MICU3: variants seen among roughly 807,000 people sequenced by gnomAD.
MICU3 encodes the protein mitochondrial calcium uptake 3.
MICU3 carries 62 observed loss-of-function variants against 66.5 expected under a neutral mutation model. The observed-to-expected ratio is 0.93, with a 90% CI of 0.76 to 1.15. The LOEUF is 1.15. Ranked by LOEUF, MICU3 falls within the 50% of genes most tolerant of loss-of-function variation. The probability of loss-of-function intolerance (pLI) is 0.00; values close to 1 mark genes in which losing one functional copy is unlikely to be tolerated. For synonymous variants in MICU3, 308 were observed against 240.7 expected, an observed-to-expected ratio of 1.28 and a Z score of -2.59; for missense variants, 779 against 664.4, an observed-to-expected ratio of 1.17 and a Z score of -1.90.
chr8:17,041,234 A>G (rs537706950), intron 1 of MICU3, among the ~76,000 whole-genome samples: 16 of 152,146 alleles, frequency 1.1e-4, no homozygotes, highest in South Asian at 4.1e-4. Context: ...AGAGAAAAGA[A>G]AGTCTGCAAA....
At chr8:17,046,004 C>T (rs1815007216) in intron 1 of MICU3, among the ~76,000 whole-genome samples, 1 of 152,200 alleles carries the variant, frequency 6.6e-6, no homozygotes, top group South Asian at 2.1e-4. Context: ...ACAGCCAACC[C>T]ATAGCATCTC....
the MICU3 span, among the ~76,000 whole-genome samples, chr8:17,133,356 A>G: frequency 3.3e-5 from 5 of 152,106 alleles, no homozygotes. Flanking sequence ...TTTGTTATTT[A>G]TGGGTTATCT....
intron 1 of MICU3, among the ~76,000 whole-genome samples, chr8:17,053,050 A>C (rs1192970481): frequency 6.6e-6 from 1 of 152,152 alleles, no homozygotes; most frequent in Non-Finnish European, 1.5e-5. Context: ...TCACTCTTTA[A>C]AATTTTGAAT....
intron 13 of MICU3, among the ~76,000 whole-genome samples, chr8:17,117,752 G>A (rs1802821584): frequency 6.6e-6 from 1 of 152,040 alleles, no homozygotes; most frequent in Non-Finnish European, 1.5e-5. Flanking sequence ...GGGATTACAG[G>A]TGTGCACAAC....
the MICU3 span, among the ~76,000 whole-genome samples, chr8:17,130,882 A>G: frequency 2.0e-5 from 3 of 152,370 alleles, no homozygotes; most frequent in Non-Finnish European, 4.4e-5. Flanking sequence ...TTCCAACTAA[A>G]ACTCAGATGT....
chr8:17,056,567 A>G (rs1816962947), intron 1 of MICU3, among the ~76,000 whole-genome samples: 2 of 152,222 alleles, frequency 1.3e-5, no homozygotes, highest in Non-Finnish European at 2.9e-5. Flanking sequence ...AAATACGTAA[A>G]CAGATAATTG....
the MICU3 span, among the ~76,000 whole-genome samples, chr8:17,138,005 A>G: frequency 1.7e-3 from 255 of 152,096 alleles, no homozygotes; most frequent in African/African-American, 6.0e-3. Flanking sequence ...ATGAACCACC[A>G]TGCCCAGCCA....
chr8:17,097,719 TTTAA>T (rs1400591189), intron 8 of MICU3, among the ~76,000 whole-genome samples: 11 of 151,494 alleles, frequency 7.3e-5, no homozygotes, highest in African/African-American at 2.7e-4. Flanking sequence ...AGAAACTGGG[TTTAA>T]TTATTTTTGT....
the MICU3 span, among the ~76,000 whole-genome samples, chr8:17,128,658 A>G: frequency 6.6e-6 from 1 of 152,178 alleles, no homozygotes; most frequent in Non-Finnish European, 1.5e-5. Flanking sequence ...CAGGGCCTTG[A>G]TCCTTGAAAG....
At chr8:17,131,084 G>A in the MICU3 span, 2 of 152,166 alleles carry the variant, frequency 1.3e-5, no homozygotes, top group Non-Finnish European at 2.9e-5. Flanking sequence ...GTAGTAGTTG[G>A]GGTCCAGTTA....
At chr8:17,107,599 G>T (rs1344914099) in intron 11 of MICU3, among the ~76,000 whole-genome samples, 1 of 152,094 alleles carries the variant, frequency 6.6e-6, no homozygotes, top group Admixed American at 6.6e-5. Context: ...ACCTATTTTT[G>T]TAAGTAAAAT....
downstream of MICU3, among the ~76,000 whole-genome samples, chr8:17,127,413 A>T (rs1803433158): frequency 6.6e-6 from 1 of 152,226 alleles, no homozygotes. Flanking sequence ...GGAGAAAGTG[A>T]TGTCAAGACG....
At chr8:17,096,379 G>T (rs891094684) in intron 8 of MICU3, among the ~76,000 whole-genome samples, 38 of 151,654 alleles carry the variant, frequency 2.5e-4, no homozygotes, top group African/African-American at 2.4e-5. Flanking sequence ...TTATATTTTC[G>T]TGGTGATAAA....
Position 17,095,451 on chromosome 8 carries a change from G to A in MICU3, c.889-3007G>A, listed in dbSNP as rs530364858. Among the ~76,000 whole-genome samples the A allele has an allele frequency of 4.6e-5, 7 of 151,922 alleles. No homozygotes were observed. In the East Asian group the frequency reaches 9.7e-4, roughly 21 times the overall value. On this transcript the variant is annotated intron_variant, in intron 8 of 14. Transcript: ENST00000318063. Reference sequence around the variant, plus strand: ...AGGGCCATGGTTGTCATAGTGACACGAATTATAAAGATATAGTTTTAATAT... The same window carrying A: ...AGGGCCATGGTTGTCATAGTGACACAAATTATAAAGATATAGTTTTAATAT...
chr8:17,082,301 CAG>C (rs1422309367), intron 5 of MICU3, among the ~76,000 whole-genome samples: 1 of 152,124 alleles, frequency 6.6e-6, no homozygotes, highest in Non-Finnish European at 1.5e-5. Context: ...ATTGCCGCCT[CAG>C]GGATTTGTAC....
At chr8:17,049,020 G>A (rs762142336) in intron 1 of MICU3, among the ~76,000 whole-genome samples, 4 of 151,844 alleles carry the variant, frequency 2.6e-5, no homozygotes, top group East Asian at 1.9e-4. Context: ...TCTGTATTTC[G>A]GGGATGGATA....
At chr8:17,105,732 T>C in intron 11 of MICU3, 148 bp downstream of exon 11, 1 of 434,250 alleles carries the variant, frequency 2.3e-6, no homozygotes, top group Non-Finnish European at 4.1e-6. Context: ...ATGCTCTGGC[T>C]ACACTTTTAA....
Position 17,119,955 on chromosome 8 carries a change from A to G in MICU3, c.*1-333A>G, listed in dbSNP as rs185804219. Among the ~76,000 whole-genome samples the G allele has an allele frequency of 4.6e-5, 7 of 152,272 alleles. No individual in the cohort carries two copies. In the East Asian group the frequency reaches 1.3e-3, roughly 29 times the overall value. ...AACTGCCTTATAAATTCTTAAACTA[A>G]ACATTGAAAAAAAAGGAGGACCATT... is the stretch of plus-strand genomic sequence containing the variant. On this transcript the variant is annotated intron_variant, in intron 14 of 14. Coordinates refer to ENST00000318063, the MANE Select transcript of MICU3 (RefSeq NM_181723.3).
intron 13 of MICU3, among the ~76,000 whole-genome samples, chr8:17,117,032 C>A (rs1292596587): frequency 2.0e-5 from 3 of 152,166 alleles, no homozygotes; most frequent in Non-Finnish European, 4.4e-5. Context: ...AGCTAGAGTG[C>A]AGTGGCATGA....
Sources: allele counts gnomAD v4.1 joint callset (sites outside exome capture counted in the v4.1 genomes callset), GRCh38; gene constraint gnomAD v4.1.1; transcripts MANE v1.5; gene names NCBI Gene and HGNC (gene_info 2026-07-23, HGNC 2026-07-21).